Variants in ZCCHC10 observed in about 807,000 individuals in gnomAD.
ZCCHC10 encodes the protein zinc finger CCHC-type containing 10.
In ZCCHC10, 16 loss-of-function variants were observed where a neutral mutation model predicts 19.5. That is an observed-to-expected ratio of 0.82 (90% CI 0.56 to 1.25). ZCCHC10 has a LOEUF of 1.25. Among genes scored for constraint, ZCCHC10 ranks in the 50% most tolerant of loss-of-function variants. The pLI is 0.00. For missense variants in ZCCHC10, 197 were observed against 201.0 expected, an observed-to-expected ratio of 0.98 and a Z score of 0.12; for synonymous variants, 67 against 72.5, an observed-to-expected ratio of 0.92 and a Z score of 0.38.
At chr5:133,023,028 G>A (rs1764427457) in intron 1 of ZCCHC10, 122 bp from the exon 2 acceptor site, 2 of 399,944 alleles carry the variant, frequency 5.0e-6, no homozygotes, top group Non-Finnish European at 8.9e-6. Flanking sequence ...TTTTTTAACT[G>A]ACTGAAATCA....
chr5:133,002,758 C>T (rs114344566), intron 3 of ZCCHC10, among the ~76,000 whole-genome samples: 4 of 151,882 alleles, frequency 2.6e-5, no homozygotes, highest in Non-Finnish European at 4.4e-5. Context: ...CTCGTTCTGT[C>T]GCCCAGGTGG....
In ZCCHC10 at chr5:133,022,903, G is replaced by C. The variant is rs528292758; in HGVS notation, c.45C>G (p.Phe15Leu). ...TCTTGACAGGCTGCAACTCTGTGTC[G>C]AATCTAACAAGATGAAATTTAACAA... The part of the protein sequence containing the change: ...MHRLIARRQA[F>L]DTELQPVKTF... The change falls in exon 2 of 5, where the codon TTC (phenylalanine) becomes TTG (leucine). Residue 15 changes from phenylalanine to leucine, a missense_variant. Coordinates refer to ENST00000509437, the MANE Select transcript of ZCCHC10 (RefSeq NM_001300816.3). 3.4e-6 allele frequency: 2 copies of C among 588,072 alleles called. No individual in the cohort carries two copies. The highest frequency in any genetic ancestry group is 6.4e-5 in the Admixed American group (2 of 31,156). The allele number at this position is 588,072 out of a possible 1,614,324, so 36.4% of individuals were successfully genotyped here. A position where few individuals can be genotyped will look rare whatever the true frequency, so the allele number is the denominator to read the frequency against.
chr5:133,022,109 A>T (rs1764351993), intron 2 of ZCCHC10, among the ~76,000 whole-genome samples: 1 of 152,044 alleles, frequency 6.6e-6, no homozygotes, highest in Middle Eastern at 3.2e-3. Flanking sequence ...TTTATAACTT[A>T]TAAATGTTTA....
intron 2 of ZCCHC10, among the ~76,000 whole-genome samples, chr5:133,019,494 C>G (rs1466260398): frequency 6.6e-6 from 1 of 151,910 alleles, no homozygotes; most frequent in Non-Finnish European, 1.5e-5. Flanking sequence ...TCTTTGATAC[C>G]AAAAATACTA....
intron 1 of ZCCHC10, among the ~76,000 whole-genome samples, chr5:133,023,228 A>G (rs890896918): frequency 6.6e-6 from 1 of 152,186 alleles, no homozygotes; most frequent in African/African-American, 2.4e-5. Context: ...AAGAAGGAGT[A>G]GTGGAATCTC....
Position 133,006,814 on chromosome 5 carries a change from C to T in ZCCHC10, c.214G>A (p.Ala72Thr), listed in dbSNP as rs1763150418. ...RKYLHRPSRT[A>T]ELKKALKEKE... is the part of the protein sequence containing the mutation. The stretch of plus-strand genomic sequence containing the variant: ...TCTTTTAAAGCTTTCTTTAGTTCTG[C>T]TGTCCTTGAGGGCCTATGTAGGTAT... The change falls in exon 3 of 5, where the codon GCA becomes ACA. Residue 72 changes from alanine to threonine, a missense_variant. Physicochemically the swap from Ala to Thr is moderately conservative, Grantham distance 58. Coordinates refer to ENST00000509437, the MANE Select transcript of ZCCHC10 (RefSeq NM_001300816.3). The T allele has an allele frequency of 1.9e-6, 3 of 1,611,362 alleles. No homozygotes were observed. Among genetic ancestry groups the T allele is most frequent in the Admixed American group, 1.7e-5 (1 of 59,828 alleles).
At chr5:133,006,513 C>T (rs1366932817) in intron 3 of ZCCHC10, among the ~76,000 whole-genome samples, 1 of 152,102 alleles carries the variant, frequency 6.6e-6, no homozygotes, top group Admixed American at 6.6e-5. Context: ...CATCTCCTTG[C>T]TTTAGTTTCT....
intron 2 of ZCCHC10, among the ~76,000 whole-genome samples, chr5:133,012,345 G>C (rs1478019356): frequency 1.4e-5 from 2 of 147,292 alleles, no homozygotes; most frequent in Non-Finnish European, 3.0e-5. Context: ...GTGCATGCCT[G>C]TAATCCCAGC....
At chr5:133,018,408 T>TC (rs1317668759) in intron 2 of ZCCHC10, among the ~76,000 whole-genome samples, 1 of 151,726 alleles carries the variant, frequency 6.6e-6, no homozygotes, top group African/African-American at 2.4e-5. Flanking sequence ...TTGGCCTCTC[T>TC]CTTTTTTTTG....
chr5:133,017,060 G>A (rs1187336536), intron 2 of ZCCHC10, among the ~76,000 whole-genome samples: 1 of 152,160 alleles, frequency 6.6e-6, no homozygotes, highest in Admixed American at 6.6e-5. Context: ...ACTGCCTCGT[G>A]TGGATATTCT....
chr5:133,026,153 C>T (rs1764690961), intron 1 of ZCCHC10, among the ~76,000 whole-genome samples: 1 of 152,156 alleles, frequency 6.6e-6, no homozygotes, highest in Admixed American at 6.6e-5. Context: ...ATAAAGGTGT[C>T]GGACCGGGGC....
At chr5:133,001,314 C>G (rs1428851787) in intron 3 of ZCCHC10, among the ~76,000 whole-genome samples, 1 of 151,852 alleles carries the variant, frequency 6.6e-6, no homozygotes, top group African/African-American at 2.4e-5. Flanking sequence ...TCTCTTGAAC[C>G]TGGGAGGCAG....
Position 132,998,157 on chromosome 5 carries a change from G to A in ZCCHC10, c.*426C>T, listed in dbSNP as rs1762536743. On this transcript the variant is annotated 3_prime_UTR_variant, in exon 5 of 5. Coordinates refer to ENST00000509437, the MANE Select transcript of ZCCHC10 (RefSeq NM_001300816.3). ...TAGTAGGAAAACTCCTAAGCTTACA[G>A]TAACAACATATTAAATCTTACATAA... 1 of 160,356 alleles carries A rather than the reference G, an allele frequency of 6.2e-6. No individual in the cohort carries two copies. Among genetic ancestry groups the A allele is most frequent in the Admixed American group, 5.9e-5 (1 of 17,056 alleles). 9.9% of individuals were successfully genotyped at this position (160,356 alleles called of 1,614,324 possible). A position where few individuals can be genotyped will look rare whatever the true frequency, so the allele number is the denominator to read the frequency against.
At chr5:133,017,175 T>A (rs78516896) in intron 2 of ZCCHC10, among the ~76,000 whole-genome samples, 4,461 of 152,244 alleles carry the variant, frequency 0.029, 221 homozygotes, top group African/African-American at 0.1. Context: ...GGATGACCTC[T>A]GCAACCTGCT....
intron 2 of ZCCHC10, among the ~76,000 whole-genome samples, chr5:133,007,583 G>A (rs1470969502): frequency 6.6e-6 from 1 of 150,774 alleles, no homozygotes; most frequent in Non-Finnish European, 1.5e-5. Context: ...GAGTTTCCCT[G>A]CACAGTCTCT....
At position 133,000,168 on chromosome 5, in the gene ZCCHC10, C is replaced by T; in HGVS notation, c.275G>A (p.Gly92Glu). 1 of 1,613,968 alleles carries T rather than the reference C, an allele frequency of 6.2e-7. No homozygotes were observed. The highest frequency in any genetic ancestry group is 8.5e-7 in the Non-Finnish European group (1 of 1,179,980). Residue 92 changes from glycine to glutamate, a missense_variant, in exon 4 of 5, where the codon GGA becomes GAA. Coordinates refer to ENST00000509437, the MANE Select transcript of ZCCHC10 (RefSeq NM_001300816.3). ...GGCCTTTCTTTCTACATTGGTTTCT[C>T]CAATGCTGATAAACACGAGGGGGAA... ...ENRLLLQQSIGETNVERKAKK... is the reference protein window; with the variant it reads ...ENRLLLQQSIEETNVERKAKK...
In ZCCHC10 at chr5:133,006,865, T is replaced by G. The variant is rs1175041433; in HGVS notation, c.163A>C (p.Thr55Pro). The change falls in exon 3 of 5, where the codon ACT (threonine) becomes CCT (proline). Residue 55 changes from threonine (T) to proline (P), a missense_variant. Physicochemically the swap from Thr to Pro is conservative, Grantham distance 38. Transcript: ENST00000509437. ...TTTCTTTTTCCTGTGCATTCATAAG[T>G]CCAATGTCCAAATTCCAAGCATTTC... ...CQKCLEFGHW[T>P]YECTGKRKYL... The G allele has an allele frequency of 6.2e-7, 1 of 1,613,114 alleles. No individual in the cohort carries two copies. The highest frequency in any genetic ancestry group is 1.7e-5 in the Admixed American group (1 of 59,960).
At chr5:133,006,972 C>A in intron 2 of ZCCHC10, 52 bp from the exon 3 acceptor site, 1 of 1,494,254 alleles carries the variant, frequency 6.7e-7, no homozygotes, top group South Asian at 1.4e-5. Flanking sequence ...TTGTGACTTT[C>A]ACCCTAAAAA....
At chr5:133,024,902 A>T (rs981395371) in intron 1 of ZCCHC10, among the ~76,000 whole-genome samples, 3 of 146,916 alleles carry the variant, frequency 2.0e-5, no homozygotes, top group Non-Finnish European at 4.5e-5. Flanking sequence ...GACTCCGTCT[A>T]AAAAAAAAAC....
Sources: gnomAD v4.1 joint callset for allele counts (sites outside exome capture counted in the v4.1 genomes callset) on GRCh38, gnomAD v4.1.1 for gene constraint, MANE v1.5 for transcripts, NCBI Gene and HGNC (gene_info 2026-07-23, HGNC 2026-07-21) for gene names.